The following KIRREL3 variants were observed in gnomAD, a reference collection of about 807,000 sequenced individuals.
KIRREL3 encodes the protein kin of IRRE-like protein 3.
KIRREL3 carries 36 observed loss-of-function variants against 89.7 expected under a neutral mutation model. That is an observed-to-expected ratio of 0.40 (90% CI 0.31 to 0.53). KIRREL3 has a LOEUF of 0.53. Among genes scored for constraint, KIRREL3 ranks in the 20% least tolerant of loss-of-function variants. The probability of loss-of-function intolerance (pLI) is 0.49; values close to 1 mark genes in which losing one functional copy is unlikely to be tolerated. For synonymous variants in KIRREL3, 445 were observed against 441.4 expected (o/e 1.01, Z -0.10); for missense variants, 864 against 1,056.6 (o/e 0.82, Z 2.53).
intron 11 of KIRREL3, 106 bp downstream of exon 11, chr11:126,440,341 AAG>A: frequency 1.0e-6 from 1 of 953,576 alleles, no homozygotes; most frequent in Non-Finnish European, 1.6e-6. Flanking sequence ...CTCAGCAAGA[AAG>A]AGGAACCTCG....
chr11:126,504,850 C>T (rs959455666), intron 4 of KIRREL3, among the ~76,000 whole-genome samples: 4 of 152,190 alleles, frequency 2.6e-5, no homozygotes, highest in Admixed American at 1.3e-4. Flanking sequence ...GTTGGCTTAA[C>T]ATCTGAAAAT....
rs117086274 is a variant in KIRREL3 at position 126,519,902 on chromosome 11, G to A, written c.433+1413C>T. On this transcript the variant is annotated intron_variant, in intron 4 of 16. Transcript: ENST00000525144. The surrounding 1 kb of genome is among the most constrained non-coding windows in gnomAD (Gnocchi z 4.3). Reference sequence around the variant, plus strand: ...GCCTTTAATACCCCAATTACTCCTCGGAAGGCCCGCTTCCCGGCCATGGAA... The same window carrying A: ...GCCTTTAATACCCCAATTACTCCTCAGAAGGCCCGCTTCCCGGCCATGGAA... Among the ~76,000 whole-genome samples, 792 of 152,170 alleles carry A rather than the reference G, an allele frequency of 5.2e-3. 3 individuals carry two copies. Among genetic ancestry groups the A allele is most frequent in the South Asian group, 0.014 (65 of 4,810 alleles).
At chr11:126,934,263 C>T (rs1436736552) in intron 1 of KIRREL3, among the ~76,000 whole-genome samples, 1 of 152,018 alleles carries the variant, frequency 6.6e-6, no homozygotes, top group Non-Finnish European at 1.5e-5. Flanking sequence ...CATTCACAGG[C>T]AAAAATATGA....
chr11:126,959,883 T>C (rs979906082), intron 1 of KIRREL3, among the ~76,000 whole-genome samples: 2 of 152,226 alleles, frequency 1.3e-5, no homozygotes, highest in African/African-American at 4.8e-5. Context: ...TTAGCACTGC[T>C]ATAGACCACG....
intron 1 of KIRREL3, among the ~76,000 whole-genome samples, chr11:126,798,369 G>A (rs1950880509): frequency 5.9e-3 from 1 of 170 alleles, no homozygotes; most frequent in Admixed American, 0.056. Context: ...TGTGATTCTT[G>A]TCCAGGGCAT....
At chr11:126,548,009 A>G (rs1938953075) in intron 2 of KIRREL3, among the ~76,000 whole-genome samples, 1 of 152,058 alleles carries the variant, frequency 6.6e-6, no homozygotes, top group Admixed American at 6.6e-5. Flanking sequence ...TGACGTGGTG[A>G]GGATTAGATG....
In KIRREL3 at chr11:126,668,071, G is replaced by T. The variant is rs976390128; in HGVS notation, c.56-105159C>A. Among the ~76,000 whole-genome samples, 4 of 152,168 alleles carry T rather than the reference G, an allele frequency of 2.6e-5. No homozygotes were observed. The highest frequency in any genetic ancestry group is 4.4e-5 in the Non-Finnish European group (3 of 68,032). The stretch of plus-strand genomic sequence containing the variant: ...AAGGGGTTGATAGCTGAGCCCCTGT[G>T]TCTTAGTCAGTTTCGGCTATAACAA... On this transcript the variant is annotated intron_variant, in intron 1 of 16. Coordinates refer to ENST00000525144, the MANE Select transcript of KIRREL3 (RefSeq NM_032531.4). The surrounding 1 kb of genome is among the most constrained non-coding windows in gnomAD (Gnocchi z 4.4).
At chr11:126,497,075 G>A (rs963047970) in intron 4 of KIRREL3, among the ~76,000 whole-genome samples, 1 of 152,136 alleles carries the variant, frequency 6.6e-6, no homozygotes, top group Non-Finnish European at 1.5e-5. Context: ...AGGCATGTGA[G>A]GCTCTGCATG....
chr11:126,894,749 A>G lies in KIRREL3; in HGVS notation c.55+105706T>C, dbSNP rs140876026. 2.4e-3 allele frequency among the ~76,000 whole-genome samples: 360 copies of G among 151,674 alleles called. 13 individuals carry two copies. In the East Asian group the frequency reaches 0.061, roughly 26 times the overall value. On this transcript the variant is annotated intron_variant, in intron 1 of 16. Transcript: ENST00000525144. ...GGGCAACAGAGAGAGACCCTGTCTC[A>G]AAATCAATCAATTGATCAATCGTGT...
chr11:126,944,946 T>C (rs1457275247), intron 1 of KIRREL3: 3 of 152,248 alleles, frequency 2.0e-5, no homozygotes, highest in African/African-American at 7.2e-5. Flanking sequence ...TGAAGAGGTT[T>C]ATCTGATTGG....
intron 1 of KIRREL3, among the ~76,000 whole-genome samples, chr11:126,672,161 G>C (rs1472645701): frequency 6.6e-6 from 1 of 152,208 alleles, no homozygotes; most frequent in Non-Finnish European, 1.5e-5. Flanking sequence ...AACATGCTGA[G>C]TGTTGTGGAA....
Position 126,908,501 on chromosome 11 carries a change from G to GGTT in KIRREL3, c.55+91951_55+91953dup, listed in dbSNP as rs1946675602. Among the ~76,000 whole-genome samples the GGTT allele has an allele frequency of 6.6e-6, 1 of 152,096 alleles. No individual in the cohort carries two copies. Among genetic ancestry groups the GGTT allele is most frequent in the Non-Finnish European group, 1.5e-5 (1 of 68,024 alleles). On this transcript the variant is annotated intron_variant, in intron 1 of 16. Coordinates refer to ENST00000525144, the MANE Select transcript of KIRREL3 (RefSeq NM_032531.4). The surrounding 1 kb of genome is among the most constrained non-coding windows in gnomAD (Gnocchi z 4.2). ...GACAATAATAGTGACTTCTTCACAG[G>GGTT]GTTGTTGTAAAGGTTAATTGTAATT... is the stretch of plus-strand genomic sequence containing the variant.
chr11:126,862,150 T>C (rs974547325), intron 1 of KIRREL3, among the ~76,000 whole-genome samples: 2 of 152,252 alleles, frequency 1.3e-5, no homozygotes, highest in African/African-American at 4.8e-5. Context: ...GCTCTTCCCC[T>C]AGCATCATGC....
In KIRREL3 at chr11:126,773,728, TGGGGCC is replaced by T. The variant is rs1950087811; in HGVS notation, c.56-210822_56-210817del. ...GTTTTCCTGTGAGCTCCTTGGAGGC[TGGGGCC>T]CACATATATTATTTATCTCTATTAT... On this transcript the variant is annotated intron_variant, in intron 1 of 16. Transcript: ENST00000525144. This position sits in a 1 kb window ranked among gnomAD's most constrained non-coding sequence, Gnocchi z 4.2. 6.6e-6 allele frequency among the ~76,000 whole-genome samples: 1 copy of T among 152,180 alleles called. No individual in the cohort carries two copies. Among genetic ancestry groups the T allele is most frequent in the Non-Finnish European group, 1.5e-5 (1 of 68,026 alleles).
In KIRREL3 at chr11:126,808,307, A is replaced by T. The variant is rs1951269065; in HGVS notation, c.55+192148T>A. 6.6e-6 allele frequency among the ~76,000 whole-genome samples: 1 copy of T among 152,176 alleles called. No homozygotes were observed. Among genetic ancestry groups the T allele is most frequent in the South Asian group, 2.1e-4 (1 of 4,832 alleles). ...CACTTCTTTTCCAGGAGGCTCCATGACCTGTTTTTGGCAAGCTACAATGGG... is the reference window on the plus strand; with the variant it reads ...CACTTCTTTTCCAGGAGGCTCCATGTCCTGTTTTTGGCAAGCTACAATGGG... On this transcript the variant is annotated intron_variant, in intron 1 of 16. Transcript: ENST00000525144. This position sits in a 1 kb window ranked among gnomAD's most constrained non-coding sequence, Gnocchi z 4.1.
intron 4 of KIRREL3, among the ~76,000 whole-genome samples, chr11:126,507,100 G>A (rs964663248): frequency 2.0e-5 from 3 of 152,152 alleles, no homozygotes; most frequent in Non-Finnish European, 4.4e-5. Flanking sequence ...TTTTCCAAGA[G>A]AAAGGGGCTA....
chr11:126,613,934 C>T (rs1341663157), intron 1 of KIRREL3, among the ~76,000 whole-genome samples: 2 of 130,818 alleles, frequency 1.5e-5, no homozygotes, highest in South Asian at 2.4e-4. Context: ...GGGAGTGAAC[C>T]TGAAGGTCTG....
intron 11 of KIRREL3, chr11:126,440,205 G>A (rs929606001): frequency 2.9e-6 from 2 of 687,682 alleles, no homozygotes; most frequent in African/African-American, 1.8e-5. Context: ...TTTGGTCAGA[G>A]CCGTTCATGT....
Position 126,463,118 on chromosome 11 carries a change from C to A in KIRREL3, c.742+39G>T. ...GGGTTGCTGGGTGTTTCACCCTGGGCCTGGCAGGGCTGGGTTGGGGGAGGG... is the reference window on the plus strand; with the variant it reads ...GGGTTGCTGGGTGTTTCACCCTGGGACTGGCAGGGCTGGGTTGGGGGAGGG... On this transcript the variant is annotated intron_variant, in intron 6 of 16. Transcript: ENST00000525144. This position sits in a 1 kb window ranked among gnomAD's most constrained non-coding sequence, Gnocchi z 5.9. The A allele has an allele frequency of 6.3e-7, 1 of 1,598,770 alleles. No individual in the cohort carries two copies. The highest frequency in any genetic ancestry group is 8.5e-7 in the Non-Finnish European group (1 of 1,170,704).
Sources: gnomAD v4.1 joint callset for allele counts (sites outside exome capture counted in the v4.1 genomes callset) on GRCh38, gnomAD v4.1.1 for gene constraint, Gnocchi (gnomAD v3.1) non-coding constraint, MANE v1.5 for transcripts, NCBI Gene and HGNC (gene_info 2026-07-23, HGNC 2026-07-21) for gene names.